NAALADL1: variants seen among roughly 807,000 people sequenced by gnomAD.
NAALADL1 encodes the protein N-acetylated alpha-linked acidic dipeptidase like 1.
Under a neutral mutation model 82.8 loss-of-function variants are expected in NAALADL1, and 77 were observed. The ratio of observed to expected loss-of-function variants is 0.93; its 90% CI spans 0.77 to 1.12. The LOEUF is 1.12. Among genes scored for constraint, NAALADL1 ranks in the 50% most tolerant of loss-of-function variants. The pLI, the probability that NAALADL1 is intolerant of heterozygous loss-of-function variation, is 0.00. For synonymous variants in NAALADL1, 358 were observed against 399.2 expected (o/e 0.90, Z 1.23); for missense variants, 956 against 964.0 (o/e 0.99, Z 0.11).
upstream of NAALADL1, chr11:65,058,580 G>A: frequency 1.4e-6 from 2 of 1,440,520 alleles, no homozygotes; most frequent in Admixed American, 5.3e-5. Context: ...CCTATAGAGG[G>A]GGTGTTGTGC....
At chr11:65,045,592 A>C in intron 17 of NAALADL1, 135 bp from the exon 18 acceptor site, 2 of 1,047,246 alleles carry the variant, frequency 1.9e-6, no homozygotes, top group Non-Finnish European at 2.7e-6. Flanking sequence ...TCTGAAGGCC[A>C]GGGAGCTCTT....
rs749070786 is a variant in NAALADL1, at chr11:65,045,294, G to C, written c.2200C>G (p.Leu734Val). The C allele has an allele frequency of 4.7e-5, 75 of 1,608,346 alleles. No homozygotes were observed. In the Admixed American group the frequency reaches 6.4e-4, roughly 14 times the overall value. The stretch of plus-strand genomic sequence containing the variant: ...GGTCAGAGGTCAGCCACAGGCCTCA[G>C]GGTGGCTGCCGCACCCTCCAGGGCT... The part of the protein sequence containing the change: ...VTALEGAAAT[L>V]RPVADL Residue 734 changes from leucine to valine, a missense_variant, in exon 18 of 18, where the codon CTG (leucine) becomes GTG (valine). Physicochemically the swap from Leu to Val is conservative, Grantham distance 32. Transcript: ENST00000358658.
chr11:65,058,252 T>G lies in NAALADL1; in HGVS notation c.186-2A>C. 7 of 1,613,490 alleles carry G rather than the reference T, an allele frequency of 4.3e-6. No homozygotes were observed. Among genetic ancestry groups the G allele is most frequent in the Non-Finnish European group, 5.9e-6 (7 of 1,179,708 alleles). ...AGGTGTGGCTCCCTGGAGAGTTCTC[T>G]GCAGGGTGGGCAGAGGGAGGGGCAG... On this transcript the variant is annotated splice_acceptor_variant, in intron 1 of 17. Transcript: ENST00000358658. LOFTEE classifies it high-confidence loss of function.
At chr11:65,046,933 G>A (rs762280525) in intron 13 of NAALADL1, among the ~76,000 whole-genome samples, 15 of 152,070 alleles carry the variant, frequency 9.9e-5, no homozygotes, top group Non-Finnish European at 1.5e-4. Flanking sequence ...CAACGCTCAC[G>A]CCAATGGTCT....
At chr11:65,048,412 G>T (rs371996594) in intron 8 of NAALADL1, 27 bp from the exon 9 acceptor site, 7 of 1,613,472 alleles carry the variant, frequency 4.3e-6, no homozygotes, top group Non-Finnish European at 5.9e-6. Flanking sequence ...GAGGGTTGGA[G>T]GACAGGGTCC....
intron 8 of NAALADL1, among the ~76,000 whole-genome samples, chr11:65,052,336 C>T (rs1324969390): frequency 2.0e-5 from 3 of 151,594 alleles, no homozygotes; most frequent in Non-Finnish European, 2.9e-5. Flanking sequence ...TTTTTTTAGA[C>T]GGGGTCTTGC....
chr11:65,059,388 C>A (rs955025778), upstream of NAALADL1, among the ~76,000 whole-genome samples: 4 of 152,156 alleles, frequency 2.6e-5, no homozygotes, highest in African/African-American at 9.7e-5. Flanking sequence ...GGGAGCTCAT[C>A]AATTTTAACT....
rs182545269 is a variant in NAALADL1 at position 65,053,263 on chromosome 11, C to T, written c.1153G>A (p.Val385Ile). The T allele has an allele frequency of 4.3e-4, 674 of 1,554,036 alleles. 6 individuals carry two copies. In the East Asian group the frequency reaches 0.014, roughly 31 times the overall value. The change falls in exon 8 of 18, where the codon GTC (valine) becomes ATC (isoleucine). Residue 385 changes from valine (V) to isoleucine (I), a missense_variant. Physicochemically the swap from Val to Ile is conservative, Grantham distance 29. Coordinates refer to ENST00000358658, the MANE Select transcript of NAALADL1 (RefSeq NM_005468.3). This position sits in a 1 kb window ranked among gnomAD's most constrained non-coding sequence, Gnocchi z 4.3. ...AGGACACGGGAGAGCTCCAGGAGGACGGCGGTGCCACTGCTGGGGTCCACA... is the reference window on the plus strand; with the variant it reads ...AGGACACGGGAGAGCTCCAGGAGGATGGCGGTGCCACTGCTGGGGTCCACA... ...GAVDPSSGTA[V>I]LLELSRVLGT...
chr11:65,052,275 C>T (rs1396730853), intron 8 of NAALADL1, among the ~76,000 whole-genome samples: 1 of 152,016 alleles, frequency 6.6e-6, no homozygotes, highest in Non-Finnish European at 1.5e-5. Context: ...GAATGACAAG[C>T]GTCTGCCTGG....
chr11:65,053,237 C>A lies in NAALADL1; in HGVS notation c.1179G>T (p.Leu393=). The stretch of plus-strand genomic sequence containing the variant: ...CCTCACCCTTCTTCAGCAGGGTCCC[C>A]AGGACACGGGAGAGCTCCAGGAGGA... ...TAVLLELSRV[L]GTLLKKGTWR... is the part of the protein sequence containing the mutation. The change falls in exon 8 of 18, where the codon CTG becomes CTT. Residue 393 remains leucine, a synonymous_variant. Transcript: ENST00000358658. The surrounding 1 kb of genome is among the most constrained non-coding windows in gnomAD (Gnocchi z 4.3). 6.4e-7 allele frequency: 1 copy of A among 1,550,722 alleles called. No homozygotes were observed. The highest frequency in any genetic ancestry group is 2.4e-5 in the East Asian group (1 of 41,546).
At chr11:65,056,046 G>A (rs1052111432) in intron 4 of NAALADL1, among the ~76,000 whole-genome samples, 4 of 151,822 alleles carry the variant, frequency 2.6e-5, no homozygotes, top group Middle Eastern at 3.4e-3. Context: ...CACCATGAGC[G>A]GCTATTTTTT....
In NAALADL1 at chr11:65,045,136, C is replaced by G; in HGVS notation, c.*135G>C. On this transcript the variant is annotated 3_prime_UTR_variant, in exon 18 of 18. Coordinates refer to ENST00000358658, the MANE Select transcript of NAALADL1 (RefSeq NM_005468.3). The stretch of plus-strand genomic sequence containing the variant: ...GGCTTGCCACTCCCCTCAGGGACCT[C>G]AAGCTGTTGCCTGAGAAGCTTGAGA... The G allele has an allele frequency of 9.9e-7, 1 of 1,011,782 alleles. No individual in the cohort carries two copies. The highest frequency in any genetic ancestry group is 2.6e-5 in the East Asian group (1 of 37,892). 62.7% of individuals were successfully genotyped at this position (1,011,782 alleles called of 1,614,324 possible). A position where few individuals can be genotyped will look rare whatever the true frequency, so the allele number is the denominator to read the frequency against.
Position 65,057,981 on chromosome 11 carries a change from C to A in NAALADL1, c.374G>T (p.Gly125Val). Residue 125 changes from glycine to valine, a missense_variant, in exon 3 of 18, where the codon GGC (glycine) becomes GTC (valine). Gly to Val is a moderately radical substitution (Grantham distance 109, BLOSUM62 -3). Coordinates refer to ENST00000358658, the MANE Select transcript of NAALADL1 (RefSeq NM_005468.3). ...AGTCCGGTGGCAGGAGTGGATGATGCCCCCAGTGGGGCCCACTGTTGGAGG... is the reference window on the plus strand; with the variant it reads ...AGTCCGGTGGCAGGAGTGGATGATGACCCCAGTGGGGCCCACTGTTGGAGG... Reference protein sequence around the residue: ...NVVDIVGPTGGIIHSCHRTEE... With the variant: ...NVVDIVGPTGVIIHSCHRTEE... 9 of 1,614,142 alleles carry A rather than the reference C, an allele frequency of 5.6e-6. No homozygotes were observed. Among genetic ancestry groups the A allele is most frequent in the Non-Finnish European group, 6.8e-6 (8 of 1,179,986 alleles).
chr11:65,058,882 C>T (rs1388064028), upstream of NAALADL1, among the ~76,000 whole-genome samples: 1 of 152,224 alleles, frequency 6.6e-6, no homozygotes. Flanking sequence ...CTGCCTCTGC[C>T]TCCCTCCAAG....
chr11:65,047,910 C>A, intron 11 of NAALADL1, 71 bp downstream of exon 11: 2 of 1,358,308 alleles, frequency 1.5e-6, no homozygotes, highest in South Asian at 1.3e-5. Context: ...CCCGCCCACC[C>A]GTAGCGGCCC....
intron 8 of NAALADL1, among the ~76,000 whole-genome samples, chr11:65,049,578 A>G (rs1298803670): frequency 2.0e-5 from 3 of 152,194 alleles, no homozygotes; most frequent in African/African-American, 7.2e-5. Flanking sequence ...TTATTTTGCT[A>G]TCAAGGTCAT....
At position 65,048,405 on chromosome 11, in the gene NAALADL1, G is replaced by T; in HGVS notation, c.1199-20C>A. 1.2e-6 allele frequency: 2 copies of T among 1,613,870 alleles called. No individual in the cohort carries two copies. Among genetic ancestry groups the T allele is most frequent in the Non-Finnish European group, 1.7e-6 (2 of 1,179,842 alleles). On this transcript the variant is annotated intron_variant, in intron 8 of 17. Coordinates refer to ENST00000358658, the MANE Select transcript of NAALADL1 (RefSeq NM_005468.3). ...AGGTGCCTGGGAATGGGGGATAGAG[G>T]GTTGGAGGACAGGGTCCTCCTGATC...
rs1358443762 is a variant in NAALADL1 at position 65,045,324 on chromosome 11, C to T, written c.2170G>A (p.Val724Met). The T allele has an allele frequency of 6.2e-7, 1 of 1,611,122 alleles. No homozygotes were observed. ...GCTGCCGCACCCTCCAGGGCTGTCA[C>T]CACAATGCTGAGCTGTCTCTGGACC... ...AEVQRQLSIV[V>M]TALEGAAATL... is the part of the protein sequence containing the mutation. Residue 724 changes from valine to methionine, a missense_variant, in exon 18 of 18, where the codon GTG becomes ATG. By Grantham distance (21) the Val-to-Met change is conservative. Coordinates refer to ENST00000358658, the MANE Select transcript of NAALADL1 (RefSeq NM_005468.3).
rs751887599 is a variant in NAALADL1, at chr11:65,054,305, A to T, written c.937T>A (p.Cys313Ser). 1 of 1,614,134 alleles carries T rather than the reference A, an allele frequency of 6.2e-7. No individual in the cohort carries two copies. The highest frequency in any genetic ancestry group is 8.5e-7 in the Non-Finnish European group (1 of 1,180,016). Reference protein sequence around the residue: ...APATWQGALGCHYRLGPGFRP... With the variant: ...APATWQGALGSHYRLGPGFRP... ...AAGCCGGGACCCAACCTGTAGTGGC[A>T]GCCCAGTGCTCCCTGCCAGGTGGCT... Residue 313 changes from cysteine (C) to serine (S), a missense_variant, in exon 6 of 18, where the codon TGC becomes AGC. Physicochemically the swap from Cys to Ser is moderately radical, Grantham distance 112 (BLOSUM62 -1). Coordinates refer to ENST00000358658, the MANE Select transcript of NAALADL1 (RefSeq NM_005468.3). The surrounding 1 kb of genome is among the most constrained non-coding windows in gnomAD (Gnocchi z 4.3).
Sources: allele counts gnomAD v4.1 joint callset (sites outside exome capture counted in the v4.1 genomes callset), GRCh38; gene constraint gnomAD v4.1.1; non-coding constraint Gnocchi (gnomAD v3.1); transcripts MANE v1.5; gene names NCBI Gene and HGNC (gene_info 2026-07-23, HGNC 2026-07-21).